HEATR5A: variants seen among roughly 807,000 people sequenced by gnomAD.
The protein encoded by HEATR5A is HEAT repeat-containing protein 5A.
Under a neutral mutation model 218.8 loss-of-function variants are expected in HEATR5A, and 178 were observed. The observed-to-expected ratio is 0.81, with a 90% CI of 0.72 to 0.92. The LOEUF (loss-of-function observed/expected upper bound fraction) is 0.92, where lower values mean the gene tolerates loss of function less well. Among genes scored for constraint, HEATR5A ranks in the 40% least tolerant of loss-of-function variants. HEATR5A has a pLI of 0.00. For missense variants in HEATR5A, 2,420 were observed against 2,418.9 expected, an observed-to-expected ratio of 1.00 and a Z score of -0.01; for synonymous variants, 864 against 871.6, an observed-to-expected ratio of 0.99 and a Z score of 0.15.
Position 31,403,063 on chromosome 14 carries a change from AAAT to A in HEATR5A, c.-74-17_-74-15del. 4.1e-6 allele frequency: 5 copies of A among 1,206,558 alleles called. No homozygotes were observed. Among genetic ancestry groups the A allele is most frequent in the Non-Finnish European group, 5.6e-6 (5 of 895,838 alleles). The allele number at this position is 1,206,558 out of a possible 1,614,324, so 74.7% of individuals were successfully genotyped here. A position where few individuals can be genotyped will look rare whatever the true frequency, so the allele number is the denominator to read the frequency against. ...AACAATAAAAATCTGCAATACAGGA[AAAT>A]AATGTATTTTAAAAGGGGGGTAAAA... is the stretch of plus-strand genomic sequence containing the variant. On this transcript the variant is annotated splice_polypyrimidine_tract_variant and intron_variant, in intron 1 of 35. Coordinates refer to ENST00000543095, the MANE Select transcript of HEATR5A (RefSeq NM_015473.4).
At position 31,373,073 on chromosome 14, in the gene HEATR5A, C is replaced by G. The variant is rs563053206; in HGVS notation, c.1862-1164G>C. Among the ~76,000 whole-genome samples, 31 of 152,128 alleles carry G rather than the reference C, an allele frequency of 2.0e-4. No individual in the cohort carries two copies. In the South Asian group the frequency reaches 2.5e-3, roughly 12 times the overall value. ...CCCACCCCAGACTACAGGCATGCAC[C>G]ACCATGTCTGGCTAATTTTTGTATT... On this transcript the variant is annotated intron_variant, in intron 12 of 35. Coordinates refer to ENST00000543095, the MANE Select transcript of HEATR5A (RefSeq NM_015473.4).
chr14:31,327,067 C>T (rs759991575), intron 22 of HEATR5A, among the ~76,000 whole-genome samples: 17 of 151,188 alleles, frequency 1.1e-4, no homozygotes, highest in Non-Finnish European at 1.6e-4. Flanking sequence ...CTCTGCCTCC[C>T]GGGTTGAATT....
At position 31,406,430 on chromosome 14, in the gene HEATR5A, C is replaced by T. The variant is rs558765029; in HGVS notation, c.-74-3381G>A. Among the ~76,000 whole-genome samples the T allele has an allele frequency of 3.3e-5, 5 of 152,298 alleles. No individual in the cohort carries two copies. The South Asian group carries it at 8.3e-4, about 25-fold the overall frequency. On this transcript the variant is annotated intron_variant, in intron 1 of 35. Transcript: ENST00000543095. ...CTTACTTATTATAGTCTAAGCAGTA[C>T]TCTAAGTGCTTTACATTATTTCCTT... is the stretch of plus-strand genomic sequence containing the variant.
chr14:31,360,668 T>C (rs758681823), intron 14 of HEATR5A, among the ~76,000 whole-genome samples: 3 of 152,204 alleles, frequency 2.0e-5, no homozygotes, highest in Non-Finnish European at 4.4e-5. Context: ...AGAAAAATGT[T>C]TATACTCTTC....
chr14:31,359,729 CAAAAAAA>C (rs376157768), intron 14 of HEATR5A, among the ~76,000 whole-genome samples: 26 of 32,196 alleles, frequency 8.1e-4, no homozygotes, highest in South Asian at 5.1e-3. Context: ...CATCTCAAGA[CAAAAAAA>C]AAAAAAAAAA....
chr14:31,332,874 T>C lies in HEATR5A; in HGVS notation c.3367+4602A>G, dbSNP rs150614451. On this transcript the variant is annotated intron_variant, in intron 22 of 35. Coordinates refer to ENST00000543095, the MANE Select transcript of HEATR5A (RefSeq NM_015473.4). ...GGTGGCGGGCACCTGTAATCCCACC[T>C]ACTCGGGAGGCTGAGGCAGAAGACT... 2.9e-3 allele frequency among the ~76,000 whole-genome samples: 438 copies of C among 151,866 alleles called. 12 individuals carry two copies. The East Asian group carries it at 0.063, about 22-fold the overall frequency.
Position 31,295,960 on chromosome 14 carries a change from C to T in HEATR5A, c.5568G>A (p.Gln1856=). 1 of 1,613,650 alleles carries T rather than the reference C, an allele frequency of 6.2e-7. No homozygotes were observed. ...SPEVTTIPCL[Q]KRCIDKFKAT... ...CTTTAAATTTATCAATACAGCGCTT[C>T]TGAAGGCATGGGATGGTAGTTACTT... The change falls in exon 34 of 36, where the codon CAG becomes CAA. Residue 1856 remains glutamine, a synonymous_variant. Coordinates refer to ENST00000543095, the MANE Select transcript of HEATR5A (RefSeq NM_015473.4).
intron 3 of HEATR5A, among the ~76,000 whole-genome samples, chr14:31,399,620 A>G (rs543070463): frequency 1.3e-5 from 2 of 152,336 alleles, no homozygotes; most frequent in East Asian, 3.9e-4. Flanking sequence ...ACTTGAGGTT[A>G]GGAGTTTGAG....
intron 23 of HEATR5A, chr14:31,325,959 G>T: frequency 1.7e-6 from 1 of 591,298 alleles, no homozygotes; most frequent in Non-Finnish European, 3.0e-6. Context: ...AAAAAGAGCA[G>T]GCTTAAGTAT....
At chr14:31,372,292 T>G (rs1902066360) in intron 12 of HEATR5A, among the ~76,000 whole-genome samples, 1 of 151,910 alleles carries the variant, frequency 6.6e-6, no homozygotes, top group Non-Finnish European at 1.5e-5. Flanking sequence ...GCATGTTAGG[T>G]TTTTACAGAT....
rs1296005839 is a variant in HEATR5A at position 31,312,987 on chromosome 14, G to A, written c.4422C>T (p.Ala1474=). ...CCTTACCTTCAGCAGGAAGTTGGGA[G>A]GCAAATTCTGAAGGCAAAGTTAAAA... ...FALLTLPSEF[A]SQLPAEGGAF... Residue 1474 remains alanine, a synonymous_variant, in exon 28 of 36, where the codon GCC becomes GCT. Coordinates refer to ENST00000543095, the MANE Select transcript of HEATR5A (RefSeq NM_015473.4). 3 of 1,612,882 alleles carry A rather than the reference G, an allele frequency of 1.9e-6. No homozygotes were observed. The South Asian group carries it at 3.3e-5, about 18-fold the overall frequency.
rs1211406282 is a variant in HEATR5A at position 31,359,279 on chromosome 14, AGTGTAAGAGTGTGTGTGTGTGT to A, written c.2072-244_2072-223del. 1.8e-4 allele frequency among the ~76,000 whole-genome samples: 18 copies of A among 102,700 alleles called. No individual in the cohort carries two copies. The South Asian group carries it at 1.8e-3, about 10-fold the overall frequency. The allele number at this position is 102,700 out of a possible 152,430, so 67.4% of individuals were successfully genotyped here. A position where few individuals can be genotyped will look rare whatever the true frequency, so the allele number is the denominator to read the frequency against. ...AATGGATACTAAAAGAACATCTCAA[AGTGTAAGAGTGTGTGTGTGTGT>A]GTGTGTGTGTGTGTGTGTGTGTGTA... is the stretch of plus-strand genomic sequence containing the variant. On this transcript the variant is annotated intron_variant, in intron 14 of 35. Coordinates refer to ENST00000543095, the MANE Select transcript of HEATR5A (RefSeq NM_015473.4).
At chr14:31,380,128 T>C (rs975609752) in intron 11 of HEATR5A, among the ~76,000 whole-genome samples, 1 of 152,228 alleles carries the variant, frequency 6.6e-6, no homozygotes, top group Non-Finnish European at 1.5e-5. Context: ...CTTTTGCCTA[T>C]ATTGTGGAAA....
rs184281084 is a variant in HEATR5A at position 31,305,214 on chromosome 14, C to A, written c.4967-37G>T. ...AATAGTGTTTAATACTTTGTGCTTG[C>A]TCTGCTTCTGGTAGATGGCAATTTA... On this transcript the variant is annotated intron_variant, in intron 31 of 35. Coordinates refer to ENST00000543095, the MANE Select transcript of HEATR5A (RefSeq NM_015473.4). 14 of 1,590,610 alleles carry A rather than the reference C, an allele frequency of 8.8e-6. No homozygotes were observed. The East Asian group carries it at 3.1e-4, about 35-fold the overall frequency.
rs771446310 is a variant in HEATR5A, at chr14:31,293,990, T to C, written c.5734A>G (p.Ile1912Val). The change falls in exon 35 of 36, where the codon ATA becomes GTA. Residue 1912 changes from isoleucine to valine, a missense_variant. Physicochemically the swap from Ile to Val is conservative, Grantham distance 29. Transcript: ENST00000543095. The part of the protein sequence containing the change: ...ASCIMEKLQE[I>V]DKRKPENTAE... Reference sequence around the variant, plus strand: ...GTGTTTTCAGGTTTTCTCTTGTCTATTTCCTGCAGTTTTTCCATGATACAG... The same window carrying C: ...GTGTTTTCAGGTTTTCTCTTGTCTACTTCCTGCAGTTTTTCCATGATACAG... 5.0e-5 allele frequency: 80 copies of C among 1,605,876 alleles called. No individual in the cohort carries two copies. The highest frequency in any genetic ancestry group is 6.5e-5 in the Non-Finnish European group (77 of 1,175,946).
chr14:31,361,029 T>C (rs1379337717), intron 14 of HEATR5A, among the ~76,000 whole-genome samples: 1 of 152,130 alleles, frequency 6.6e-6, no homozygotes, highest in Non-Finnish European at 1.5e-5. Flanking sequence ...AGTAACCTAA[T>C]AAGGTCAGGT....
intron 1 of HEATR5A, among the ~76,000 whole-genome samples, chr14:31,414,638 T>C (rs1306636884): frequency 6.6e-6 from 1 of 152,202 alleles, no homozygotes; most frequent in Non-Finnish European, 1.5e-5. Flanking sequence ...AGTCAATCCT[T>C]GCATCTGTTG....
rs865847393 is a variant in HEATR5A, at chr14:31,336,243, T to C, written c.3367+1233A>G. 2.2e-4 allele frequency among the ~76,000 whole-genome samples: 26 copies of C among 120,104 alleles called. No individual in the cohort carries two copies. The East Asian group carries it at 4.3e-3, about 20-fold the overall frequency. 78.8% of individuals were successfully genotyped at this position (120,104 alleles called of 152,430 possible). On this transcript the variant is annotated intron_variant, in intron 22 of 35. Transcript: ENST00000543095. Reference sequence around the variant, plus strand: ...ATATATATATATATATATATATATATATATATATATATATATATATAATTT... The same window carrying C: ...ATATATATATATATATATATATATACATATATATATATATATATATAATTT...
intron 30 of HEATR5A, among the ~76,000 whole-genome samples, 191 bp from the exon 31 acceptor site, chr14:31,307,070 A>G (rs895085352): frequency 2.0e-5 from 3 of 152,228 alleles, no homozygotes; most frequent in African/African-American, 7.2e-5. Context: ...CATGCCTGCA[A>G]TCCCAGCACT....
Sources: allele counts gnomAD v4.1 joint callset (sites outside exome capture counted in the v4.1 genomes callset), GRCh38; gene constraint gnomAD v4.1.1; transcripts MANE v1.5; gene names NCBI Gene and HGNC (gene_info 2026-07-23, HGNC 2026-07-21).